Variants in ROR1 observed in about 807,000 individuals in gnomAD.
ROR1 encodes the protein ROR family WNT receptor 1.
A neutral mutation model predicts 78.8 loss-of-function variants in ROR1; 19 were observed. The observed-to-expected ratio is 0.24, with a 90% CI of 0.17 to 0.35. ROR1 has a LOEUF of 0.35. Ranked by LOEUF, ROR1 falls within the 10% of genes least tolerant of loss-of-function variation. ROR1 has a pLI of 1.00. For missense variants in ROR1, 917 were observed against 1,177.8 expected, an observed-to-expected ratio of 0.78 and a Z score of 3.24; for synonymous variants, 386 against 433.6, an observed-to-expected ratio of 0.89 and a Z score of 1.36.
At chr1:63,790,679 C>A (rs1213337410) in intron 1 of ROR1, among the ~76,000 whole-genome samples, 2 of 152,150 alleles carry the variant, frequency 1.3e-5, no homozygotes, top group Non-Finnish European at 2.9e-5. Context: ...CACCTGCAAG[C>A]TGGGAATAGA....
At chr1:64,032,916 T>A (rs1646673220) in intron 2 of ROR1, among the ~76,000 whole-genome samples, 1 of 152,064 alleles carries the variant, frequency 6.6e-6, no homozygotes, top group African/African-American at 2.4e-5. Flanking sequence ...CCTAGAGTAG[T>A]GAAATTGATA....
intron 1 of ROR1, among the ~76,000 whole-genome samples, chr1:63,825,990 G>A (rs983252278): frequency 6.6e-6 from 1 of 152,142 alleles, no homozygotes; most frequent in Non-Finnish European, 1.5e-5. Context: ...GAAATACTGG[G>A]TTCCAGGGAA....
At chr1:64,067,893 T>C (rs1646971529) in intron 4 of ROR1, among the ~76,000 whole-genome samples, 1 of 152,048 alleles carries the variant, frequency 6.6e-6, no homozygotes. Flanking sequence ...TTTGTATTTT[T>C]AGTAGAGACG....
At chr1:63,831,969 C>T (rs537283479) in intron 1 of ROR1, among the ~76,000 whole-genome samples, 14 of 152,108 alleles carry the variant, frequency 9.2e-5, no homozygotes, top group Admixed American at 2.0e-4. Context: ...GATATCCAAA[C>T]CATCTCTCTC....
chr1:64,046,146 A>T (rs1206872300), intron 2 of ROR1, among the ~76,000 whole-genome samples: 2 of 152,160 alleles, frequency 1.3e-5, no homozygotes, highest in Non-Finnish European at 2.9e-5. Context: ...AAGCAGACCC[A>T]ACCCCAAAGG....
intron 1 of ROR1, among the ~76,000 whole-genome samples, chr1:63,929,037 A>G (rs1373733733): frequency 6.6e-6 from 1 of 152,212 alleles, no homozygotes; most frequent in Non-Finnish European, 1.5e-5. Context: ...GAGCCGTTAC[A>G]GTTTATACTA....
chr1:63,918,257 T>C (rs983290590), intron 1 of ROR1, among the ~76,000 whole-genome samples: 1 of 152,174 alleles, frequency 6.6e-6, no homozygotes, highest in Non-Finnish European at 1.5e-5. Flanking sequence ...GAAGGCTGAC[T>C]ATATTCCACC....
intron 1 of ROR1, among the ~76,000 whole-genome samples, chr1:63,901,068 A>G (rs112357267): frequency 0.029 from 4,452 of 152,252 alleles, 226 homozygotes; most frequent in African/African-American, 0.1. Flanking sequence ...TGGCAGAGCC[A>G]GAATGGTCAC....
intron 1 of ROR1, among the ~76,000 whole-genome samples, chr1:63,834,668 A>G (rs965742388): frequency 6.6e-6 from 1 of 152,188 alleles, no homozygotes; most frequent in Non-Finnish European, 1.5e-5. Context: ...GAGACAAAGT[A>G]TTCAGGCCTC....
At chr1:63,942,561 A>G (rs1443984437) in intron 1 of ROR1, among the ~76,000 whole-genome samples, 1 of 152,052 alleles carries the variant, frequency 6.6e-6, no homozygotes, top group Non-Finnish European at 1.5e-5. Context: ...TGGCCTTAGG[A>G]GTAGGGCCAT....
At chr1:63,875,509 A>AG (rs1205460135) in intron 1 of ROR1, among the ~76,000 whole-genome samples, 1 of 152,210 alleles carries the variant, frequency 6.6e-6, no homozygotes, top group Admixed American at 6.6e-5. Flanking sequence ...AAGAACCTTG[A>AG]GGGCAGAGCC....
Position 63,774,468 on chromosome 1 carries a change from G to A in ROR1, c.51G>A (p.Leu17=). 6.0e-6 allele frequency: 7 copies of A among 1,167,634 alleles called. No individual in the cohort carries two copies. The highest frequency in any genetic ancestry group is 7.4e-6 in the Non-Finnish European group (7 of 951,702). The allele number at this position is 1,167,634 out of a possible 1,614,324, so 72.3% of individuals were successfully genotyped here. A position where few individuals can be genotyped will look rare whatever the true frequency, so the allele number is the denominator to read the frequency against. ...CGCGCCCGCCGCTCCTGGCGCTGCT[G>A]GCCGCGCTGCTGCTGGCCGCACGCG... ...RGTRPPLLAL[L]AALLLAARGA... Residue 17 remains leucine, a synonymous_variant, in exon 1 of 9, where the codon CTG becomes CTA. Transcript: ENST00000371079. The surrounding 1 kb of genome is among the most constrained non-coding windows in gnomAD (Gnocchi z 5.7).
intron 4 of ROR1, among the ~76,000 whole-genome samples, chr1:64,111,624 G>C (rs11208359): frequency 0.31 from 46,474 of 152,090 alleles, 7,538 homozygotes; most frequent in African/African-American, 0.34. Context: ...TTACACACTG[G>C]AGGGTAGGGC....
chr1:63,877,442 A>G (rs1452300582), intron 1 of ROR1, among the ~76,000 whole-genome samples: 1 of 152,152 alleles, frequency 6.6e-6, no homozygotes, highest in Non-Finnish European at 1.5e-5. Context: ...CAATGTGTAT[A>G]AGGCACTCGT....
intron 1 of ROR1, among the ~76,000 whole-genome samples, chr1:63,793,157 G>A (rs929932242): frequency 2.0e-5 from 3 of 152,192 alleles, no homozygotes; most frequent in African/African-American, 4.8e-5. Flanking sequence ...TGGATTAGGC[G>A]AGATGGGTAT....
intron 2 of ROR1, among the ~76,000 whole-genome samples, chr1:64,025,388 C>A (rs1026538596): frequency 6.6e-6 from 1 of 152,140 alleles, no homozygotes; most frequent in Admixed American, 6.5e-5. Context: ...ATGGAAAAAA[C>A]AGCATGGAGA....
chr1:64,149,685 G>C (rs1321303491), intron 7 of ROR1, among the ~76,000 whole-genome samples: 1 of 152,204 alleles, frequency 6.6e-6, no homozygotes, highest in Non-Finnish European at 1.5e-5. Context: ...TGCCTGCAAA[G>C]CTTCATTCAC....
chr1:64,150,641 AAAG>A (rs1649595408), intron 7 of ROR1, among the ~76,000 whole-genome samples: 1 of 152,226 alleles, frequency 6.6e-6, no homozygotes, highest in African/African-American at 2.4e-5. Context: ...TGGAGGGGGT[AAAG>A]GAGGAAGAAG....
At chr1:64,086,744 A>T (rs1035542121) in intron 4 of ROR1, among the ~76,000 whole-genome samples, 1 of 152,128 alleles carries the variant, frequency 6.6e-6, no homozygotes, top group African/African-American at 2.4e-5. Flanking sequence ...TCTCCTGTAG[A>T]ACATCTTTAT....
Sources: gnomAD v4.1 joint callset for allele counts (sites outside exome capture counted in the v4.1 genomes callset) on GRCh38, gnomAD v4.1.1 for gene constraint, Gnocchi (gnomAD v3.1) non-coding constraint, MANE v1.5 for transcripts, NCBI Gene and HGNC (gene_info 2026-07-23, HGNC 2026-07-21) for gene names.